The following SND1 variants were observed in gnomAD, a reference collection of about 807,000 sequenced individuals.
SND1 encodes staphylococcal nuclease and tudor domain containing 1.
A neutral mutation model predicts 121.7 loss-of-function variants in SND1; 38 were observed. That is an observed-to-expected ratio of 0.31 (90% CI 0.24 to 0.41). The LOEUF (loss-of-function observed/expected upper bound fraction) is 0.41. Ranked by LOEUF, SND1 falls within the 10% of genes least tolerant of loss-of-function variation. The pLI, the probability that SND1 is intolerant of heterozygous loss-of-function variation, is 1.00. For missense variants in SND1, 868 were observed against 1,184.6 expected, an observed-to-expected ratio of 0.73 and a Z score of 3.92; for synonymous variants, 401 against 447.4, an observed-to-expected ratio of 0.90 and a Z score of 1.31.
chr7:128,081,020 G>A (rs1279091135), intron 17 of SND1, among the ~76,000 whole-genome samples: 8 of 151,304 alleles, frequency 5.3e-5, no homozygotes, highest in African/African-American at 1.2e-4. Context: ...TTTTTGAGAC[G>A]GAGTCTTGCA....
chr7:127,747,681 A>G (rs1797006077), intron 10 of SND1, among the ~76,000 whole-genome samples: 1 of 152,252 alleles, frequency 6.6e-6, no homozygotes, highest in South Asian at 2.1e-4. Context: ...TCTTGCATGT[A>G]TAGGCCCACA....
intron 15 of SND1, 68 bp from the exon 16 acceptor site, chr7:127,990,879 C>A (rs934487125): frequency 2.8e-6 from 3 of 1,070,820 alleles, no homozygotes; most frequent in Non-Finnish European, 4.2e-6. Flanking sequence ...GTCAGGGGAC[C>A]GTCCTTATTG....
chr7:128,082,419 C>G (rs1471703684), intron 18 of SND1, among the ~76,000 whole-genome samples: 1 of 152,232 alleles, frequency 6.6e-6, no homozygotes, highest in Admixed American at 6.5e-5. Context: ...CCGCTCCAGC[C>G]CCGTCTCAGC....
intron 21 of SND1, among the ~76,000 whole-genome samples, chr7:128,087,266 A>G (rs181465905): frequency 9.7e-4 from 147 of 152,276 alleles, no homozygotes; most frequent in African/African-American, 3.5e-3. Context: ...GTGCATTTGG[A>G]CAAAGACTAG....
At chr7:127,918,709 A>G (rs1418423788) in intron 14 of SND1, among the ~76,000 whole-genome samples, 2 of 152,174 alleles carry the variant, frequency 1.3e-5, no homozygotes, top group African/African-American at 2.4e-5. Flanking sequence ...TCAGCCTTCT[A>G]TTGTTGGATG....
intron 15 of SND1, among the ~76,000 whole-genome samples, chr7:127,979,693 C>T (rs1005660111): frequency 1.3e-5 from 2 of 152,170 alleles, no homozygotes; most frequent in African/African-American, 4.8e-5. Flanking sequence ...GCTGAACATA[C>T]TGATATATTG....
chr7:127,931,132 A>G (rs1442655687), intron 15 of SND1, among the ~76,000 whole-genome samples: 1 of 152,170 alleles, frequency 6.6e-6, no homozygotes, highest in Non-Finnish European at 1.5e-5. Flanking sequence ...AAAACCAAAC[A>G]AAGCTTGGTG....
At chr7:127,755,318 C>G (rs895725986) in intron 10 of SND1, among the ~76,000 whole-genome samples, 1 of 152,176 alleles carries the variant, frequency 6.6e-6, no homozygotes, top group Non-Finnish European at 1.5e-5. Context: ...TGTGAGGCAT[C>G]TGATTAAAGC....
chr7:127,677,542 A>G (rs1427198799), intron 1 of SND1, among the ~76,000 whole-genome samples: 2 of 152,200 alleles, frequency 1.3e-5, no homozygotes, highest in African/African-American at 2.4e-5. Flanking sequence ...ATAATGCTTT[A>G]TATCAGGGGT....
At chr7:127,792,514 A>C (rs752891256) in intron 10 of SND1, among the ~76,000 whole-genome samples, 2 of 152,210 alleles carry the variant, frequency 1.3e-5, no homozygotes, top group Non-Finnish European at 2.9e-5. Context: ...AGGTGAAGAA[A>C]AGAACCCTAA....
At chr7:128,045,615 T>C (rs1287389541) in intron 16 of SND1, among the ~76,000 whole-genome samples, 3 of 152,234 alleles carry the variant, frequency 2.0e-5, no homozygotes, top group Admixed American at 6.5e-5. Context: ...TGTTTTATGC[T>C]GCAGCACTAG....
intron 1 of SND1, among the ~76,000 whole-genome samples, chr7:127,667,278 GCATGACT>G (rs1197408604): frequency 6.6e-6 from 1 of 152,150 alleles, no homozygotes; most frequent in Non-Finnish European, 1.5e-5. Context: ...GGAAAAGTGT[GCATGACT>G]TTACAGGAAC....
At chr7:127,809,989 A>G (rs1168083513) in intron 11 of SND1, among the ~76,000 whole-genome samples, 1 of 152,182 alleles carries the variant, frequency 6.6e-6, no homozygotes, top group Non-Finnish European at 1.5e-5. Context: ...GAGTTATGAG[A>G]ATATAGGATG....
chr7:127,790,225 A>G (rs1797883736), intron 10 of SND1, among the ~76,000 whole-genome samples: 2 of 152,178 alleles, frequency 1.3e-5, no homozygotes, highest in African/African-American at 4.8e-5. Flanking sequence ...GTGGTGAGGC[A>G]GAGCTTGGGT....
intron 12 of SND1, among the ~76,000 whole-genome samples, chr7:127,852,193 AAAAT>A (rs1243130331): frequency 7.0e-6 from 1 of 143,880 alleles, no homozygotes; most frequent in East Asian, 2.3e-4. Flanking sequence ...AAAATAAAAT[AAAAT>A]AAATAAAAAA....
intron 10 of SND1, among the ~76,000 whole-genome samples, chr7:127,786,297 T>G (rs2116530519): frequency 6.6e-6 from 1 of 152,350 alleles, no homozygotes; most frequent in South Asian, 2.1e-4. Context: ...GGCTTATGCA[T>G]TGCCCTTTTA....
chr7:127,810,478 A>G (rs1476245464), intron 11 of SND1, among the ~76,000 whole-genome samples: 1 of 152,208 alleles, frequency 6.6e-6, no homozygotes, highest in Non-Finnish European at 1.5e-5. Context: ...TATTCACAGC[A>G]AAGAGTTTTG....
intron 16 of SND1, among the ~76,000 whole-genome samples, chr7:128,061,257 C>T (rs1014593424): frequency 3.3e-5 from 5 of 152,186 alleles, no homozygotes; most frequent in African/African-American, 1.2e-4. Flanking sequence ...ACATCAACAC[C>T]CATGCTGCTG....
At chr7:127,681,428 A>G (rs1273597845) in intron 1 of SND1, among the ~76,000 whole-genome samples, 2 of 152,182 alleles carry the variant, frequency 1.3e-5, no homozygotes, top group Non-Finnish European at 2.9e-5. Flanking sequence ...CAGAATTTGC[A>G]TATACTCATA....
Sources: allele counts gnomAD v4.1 joint callset (sites outside exome capture counted in the v4.1 genomes callset), GRCh38; gene constraint gnomAD v4.1.1; transcripts MANE v1.5; gene names NCBI Gene and HGNC (gene_info 2026-07-23, HGNC 2026-07-21).